The following KRTCAP3 variants were observed in gnomAD, a reference collection of about 807,000 sequenced individuals.
KRTCAP3 encodes the protein keratinocyte-associated protein 3.
A neutral mutation model predicts 20.5 loss-of-function variants in KRTCAP3; 18 were observed. The observed-to-expected ratio is 0.88, with a 90% CI of 0.61 to 1.31. The LOEUF is 1.31. KRTCAP3 is among the 50% of genes most tolerant of loss of function. The probability of loss-of-function intolerance (pLI) is 0.00; values close to 1 mark genes in which losing one functional copy is unlikely to be tolerated. For missense variants in KRTCAP3, 347 were observed against 310.4 expected (o/e 1.12, Z -0.89); for synonymous variants, 167 against 133.7 (o/e 1.25, Z -1.72).
chr2:27,442,863 GC>G lies in KRTCAP3; in HGVS notation c.238del (p.Leu80SerfsTer19), dbSNP rs1664701197. The G allele has an allele frequency of 3.1e-6, 5 of 1,612,296 alleles. No homozygotes were observed. Among genetic ancestry groups the G allele is most frequent in the Non-Finnish European group, 3.4e-6 (4 of 1,180,020 alleles). On this transcript the variant is annotated frameshift_variant, in exon 3 of 7. Coordinates refer to ENST00000288873, the MANE Select transcript of KRTCAP3 (RefSeq NM_173853.4). LOFTEE classifies it high-confidence loss of function. ...GLLSVSVGLV[A>X]LLASRNLLRP... ...ACAGAGCGTTTCCGTGGGACTTGTG[GC>G]CCTCCTGGCGTCCAGGAACCTTCTT...
downstream of KRTCAP3, chr2:27,446,422 T>C (rs1665105975): frequency 7.3e-7 from 1 of 1,368,394 alleles, no homozygotes; most frequent in Non-Finnish European, 1.0e-6. Flanking sequence ...CCAATGATCC[T>C]GTAAGGCAGC....
chr2:27,442,546 CG>C, intron 1 of KRTCAP3, 32 bp from the exon 2 acceptor site: 1 of 1,533,822 alleles, frequency 6.5e-7, no homozygotes, highest in Non-Finnish European at 8.8e-7. Flanking sequence ...CCTCCCCGCC[CG>C]ACTCAACCCT....
Position 27,443,081 on chromosome 2 carries a change from TCCTGCTGGCACTAGCTCTGGTGAA to T in KRTCAP3, c.288_311del (p.Ala97_Leu104del). 2 of 1,612,828 alleles carry T rather than the reference TCCTGCTGGCACTAGCTCTGGTGAA, an allele frequency of 1.2e-6. No individual in the cohort carries two copies. Among genetic ancestry groups the T allele is most frequent in the Non-Finnish European group, 1.7e-6 (2 of 1,179,204 alleles). On this transcript the variant is annotated inframe_deletion, in exon 4 of 7. Coordinates refer to ENST00000288873, the MANE Select transcript of KRTCAP3 (RefSeq NM_173853.4). ...ATCTCCTGTCCCTGCCAGCACTGGGTCCTGCTGGCACTAGCTCTGGTGAACCTGCTCTTGTCCGTTGCCTGCTCC... is the reference window on the plus strand; with the variant it reads ...ATCTCCTGTCCCTGCCAGCACTGGGTCCTGCTCTTGTCCGTTGCCTGCTCC...
In KRTCAP3 at chr2:27,443,497, G is replaced by A. The variant is rs1422423407; in HGVS notation, c.580G>A (p.Val194Ile). Residue 194 changes from valine to isoleucine, a missense_variant, in exon 5 of 7, where the codon GTT (valine) becomes ATT (isoleucine). Val to Ile is a conservative substitution (Grantham distance 29). Coordinates refer to ENST00000288873, the MANE Select transcript of KRTCAP3 (RefSeq NM_173853.4). The part of the protein sequence containing the change: ...CCVAALTLRG[V>I]GPCRKDGLQG... Reference sequence around the variant, plus strand: ...TGTGGCTGCACTCACTCTACGTGGAGTTGGGCCCTGCAGGAAGGACGGACT... The same window carrying A: ...TGTGGCTGCACTCACTCTACGTGGAATTGGGCCCTGCAGGAAGGACGGACT... 6.2e-7 allele frequency: 1 copy of A among 1,614,166 alleles called. No homozygotes were observed. The highest frequency in any genetic ancestry group is 8.5e-7 in the Non-Finnish European group (1 of 1,180,022).
In KRTCAP3 at chr2:27,442,861, T is replaced by G. The variant is rs1382120135; in HGVS notation, c.233T>G (p.Val78Gly). The change falls in exon 3 of 7, where the codon GTG becomes GGG. Residue 78 changes from valine (V) to glycine (G), a missense_variant. Val to Gly is a moderately radical substitution (Grantham distance 109, BLOSUM62 -3). Transcript: ENST00000288873. ...SGLLSVSVGL[V>G]ALLASRNLLR... ...CCACAGAGCGTTTCCGTGGGACTTG[T>G]GGCCCTCCTGGCGTCCAGGAACCTT... The G allele has an allele frequency of 1.2e-6, 2 of 1,612,232 alleles. No homozygotes were observed. The highest frequency in any genetic ancestry group is 2.7e-5 in the African/African-American group (2 of 74,928).
At chr2:27,444,503 A>G (rs149614625), downstream of KRTCAP3, 62 of 1,613,514 alleles carry the variant, frequency 3.8e-5, no homozygotes, top group Non-Finnish European at 4.9e-5. Flanking sequence ...ACGTCCTGGC[A>G]CACTGGGCTG....
chr2:27,443,927 C>CTT, intron 5 of KRTCAP3, 22 bp from the exon 6 acceptor site: 6 of 1,344,186 alleles, frequency 4.5e-6, no homozygotes, highest in Non-Finnish European at 6.4e-6. Context: ...GCGAGGGTGT[C>CTT]TAACTCTATC....
chr2:27,443,234 A>G lies in KRTCAP3; in HGVS notation c.434A>G (p.Glu145Gly), dbSNP rs2148460092. 1 of 1,614,160 alleles carries G rather than the reference A, an allele frequency of 6.2e-7. No homozygotes were observed. Among genetic ancestry groups the G allele is most frequent in the East Asian group, 2.2e-5 (1 of 44,884 alleles). The change falls in exon 4 of 7, where the codon GAG becomes GGG. Residue 145 changes from glutamate (E) to glycine (G), a missense_variant. Transcript: ENST00000288873. ...CTGGATCCTCTGGTACCACTGGATG[A>G]GGGGCCGGGACATACTGACTGCCCC... ...GLLDPLVPLD[E>G]GPGHTDCPFD...
chr2:27,446,322 A>C, downstream of KRTCAP3: 2 of 1,614,260 alleles, frequency 1.2e-6, no homozygotes, highest in Non-Finnish European at 1.7e-6. Context: ...GTGTGACGCA[A>C]GAGTGAAACA....
rs182899232 is a variant in KRTCAP3 at position 27,442,464 on chromosome 2, C to T, written c.28+24C>T. On this transcript the variant is annotated intron_variant, in intron 1 of 6. Coordinates refer to ENST00000288873, the MANE Select transcript of KRTCAP3 (RefSeq NM_173853.4). ...CGGTAACTTCCGGGCCCTGGCGTCT[C>T]GTCTCCTTACCCTGGGGCTACCCTT... is the stretch of plus-strand genomic sequence containing the variant. The T allele has an allele frequency of 1.3e-3, 2,095 of 1,564,262 alleles. 23 individuals are homozygous for T. The African/African-American group carries it at 0.024, about 18-fold the overall frequency.
rs1664692870 is a variant in KRTCAP3 at position 27,442,759 on chromosome 2, T to G, written c.209T>G (p.Leu70Arg). Residue 70 changes from leucine to arginine, a missense_variant, in exon 2 of 7, where the codon CTG (leucine) becomes CGG (arginine). Leu to Arg is a moderately radical substitution (Grantham distance 102). Coordinates refer to ENST00000288873, the MANE Select transcript of KRTCAP3 (RefSeq NM_173853.4). ...AATGTCATCTCTGTCGGCTCGGGGCTGCTGGTGAGCGCGGCAGGCGACCCG... is the reference window on the plus strand; with the variant it reads ...AATGTCATCTCTGTCGGCTCGGGGCGGCTGGTGAGCGCGGCAGGCGACCCG... ...VANVISVGSG[L>R]LSVSVGLVAL... 4 of 1,609,622 alleles carry G rather than the reference T, an allele frequency of 2.5e-6. No individual in the cohort carries two copies. The highest frequency in any genetic ancestry group is 3.4e-6 in the Non-Finnish European group (4 of 1,178,476).
At chr2:27,444,527 A>G, downstream of KRTCAP3, 1 of 1,610,540 alleles carries the variant, frequency 6.2e-7, no homozygotes, top group Non-Finnish European at 8.5e-7. Flanking sequence ...GAGGTCTGTG[A>G]GCAAATGGAA....
chr2:27,443,906 T>TATC, intron 5 of KRTCAP3, 43 bp from the exon 6 acceptor site: 1 of 1,086,784 alleles, frequency 9.2e-7, no homozygotes, highest in Non-Finnish European at 1.4e-6. Context: ...GATGCTGACC[T>TATC]ATCATTCAGG....
Position 27,443,150 on chromosome 2 carries a change from T to G in KRTCAP3, c.350T>G (p.Val117Gly), listed in dbSNP as rs764951989. 4 of 1,614,050 alleles carry G rather than the reference T, an allele frequency of 2.5e-6. No individual in the cohort carries two copies. The Admixed American group carries it at 6.7e-5, about 27-fold the overall frequency. ...TGCTCCCTGGGCCTCCTTCTTGCTG[T>G]GTCACTCACTGTGGCCAACGGTGGC... is the stretch of plus-strand genomic sequence containing the variant. ...VACSLGLLLA[V>G]SLTVANGGRR... The change falls in exon 4 of 7, where the codon GTG (valine) becomes GGG (glycine). Residue 117 changes from valine (V) to glycine (G), a missense_variant. Coordinates refer to ENST00000288873, the MANE Select transcript of KRTCAP3 (RefSeq NM_173853.4).
intron 1 of KRTCAP3, 57 bp downstream of exon 1, chr2:27,442,497 C>G (rs1407671674): frequency 7.1e-6 from 11 of 1,545,150 alleles, no homozygotes; most frequent in Non-Finnish European, 9.6e-6. Context: ...CTTGCCCCGT[C>G]CTACTGCCCG....
downstream of KRTCAP3, chr2:27,446,043 T>C (rs1432853523): frequency 1.3e-6 from 2 of 1,599,424 alleles, no homozygotes; most frequent in East Asian, 4.5e-5. Flanking sequence ...TGAATGCTAC[T>C]TCTCTGGGAT....
chr2:27,442,702 G>A lies in KRTCAP3; in HGVS notation c.152G>A (p.Arg51His). ...GTVLRHVANP[R>H]GAVTPEYTVA... ...GTCCTGCGGCACGTGGCCAATCCCCGCGGCGCTGTCACGCCGGAGTACACC... is the reference window on the plus strand; with the variant it reads ...GTCCTGCGGCACGTGGCCAATCCCCACGGCGCTGTCACGCCGGAGTACACC... The change falls in exon 2 of 7, where the codon CGC becomes CAC. Residue 51 changes from arginine (R) to histidine (H), a missense_variant. Physicochemically the swap from Arg to His is conservative, Grantham distance 29 (BLOSUM62 0). Transcript: ENST00000288873. 1.9e-6 allele frequency: 3 copies of A among 1,592,928 alleles called. No individual in the cohort carries two copies. The highest frequency in any genetic ancestry group is 1.7e-5 in the Admixed American group (1 of 57,590).
Position 27,442,631 on chromosome 2 carries a change from G to C in KRTCAP3, c.81G>C (p.Leu27Phe). 6.4e-7 allele frequency: 1 copy of C among 1,572,614 alleles called. No homozygotes were observed. The highest frequency in any genetic ancestry group is 1.4e-5 in the African/African-American group (1 of 73,868). Reference protein sequence around the residue: ...RLMRVGLALILVGHVNLLLGA... With the variant: ...RLMRVGLALIFVGHVNLLLGA... ...TGCGTGTGGGCCTCGCGCTGATCTT[G>C]GTGGGCCACGTGAACCTGCTGCTGG... The change falls in exon 2 of 7, where the codon TTG becomes TTC. Residue 27 changes from leucine to phenylalanine, a missense_variant. Transcript: ENST00000288873.
chr2:27,443,496 AG>A lies in KRTCAP3; in HGVS notation c.580del (p.Val194LeufsTer13). ...GTGTGGCTGCACTCACTCTACGTGG[AG>A]TTGGGCCCTGCAGGAAGGACGGACT... is the stretch of plus-strand genomic sequence containing the variant. ...CCVAALTLRG[V>X]GPCRKDGLQG... On this transcript the variant is annotated frameshift_variant, in exon 5 of 7. Coordinates refer to ENST00000288873, the MANE Select transcript of KRTCAP3 (RefSeq NM_173853.4). LOFTEE classifies it high-confidence loss of function. 1 of 1,613,958 alleles carries A rather than the reference AG, an allele frequency of 6.2e-7. No individual in the cohort carries two copies. Among genetic ancestry groups the A allele is most frequent in the South Asian group, 1.1e-5 (1 of 91,080 alleles).
Sources: gnomAD v4.1 joint callset for allele counts on GRCh38, gnomAD v4.1.1 for gene constraint, MANE v1.5 for transcripts, NCBI Gene and HGNC (gene_info 2026-07-23, HGNC 2026-07-21) for gene names.